Variants in UBE2U observed in about 807,000 individuals in gnomAD.
UBE2U encodes ubiquitin-conjugating enzyme E2 U.
UBE2U carries 39 observed loss-of-function variants against 41.2 expected under a neutral mutation model. The observed-to-expected ratio is 0.95, with a 90% CI of 0.73 to 1.24. The LOEUF (loss-of-function observed/expected upper bound fraction) is 1.24, where lower values mean the gene tolerates loss of function less well. UBE2U is among the 50% of genes most tolerant of loss of function. The pLI is 0.00. For synonymous variants in UBE2U, 107 were observed against 117.8 expected (o/e 0.91, Z 0.60); for missense variants, 336 against 363.1 (o/e 0.93, Z 0.61).
In UBE2U at chr1:64,203,812, GA is replaced by G; in HGVS notation, c.-238del. 2.5e-6 allele frequency: 1 copy of G among 405,044 alleles called. No individual in the cohort carries two copies. Among genetic ancestry groups the G allele is most frequent in the South Asian group, 7.2e-5 (1 of 13,916 alleles). The allele number at this position is 405,044 out of a possible 1,614,324, so 25.1% of individuals were successfully genotyped here. On this transcript the variant is annotated 5_prime_UTR_variant, in exon 1 of 10. It removes an upstream start codon present in the reference 5' UTR. Coordinates refer to ENST00000371077, the MANE Select transcript of UBE2U (RefSeq NM_001366232.2). Reference sequence around the variant, plus strand: ...GCCGGCACTGCAGTGAAACGCCGCAGATGAGGAAGTGCCCAAGTCTTCCTTC... The same window carrying G: ...GCCGGCACTGCAGTGAAACGCCGCAGTGAGGAAGTGCCCAAGTCTTCCTTC...
chr1:64,249,235 A>G (rs994136781), intron 8 of UBE2U, among the ~76,000 whole-genome samples: 9 of 151,908 alleles, frequency 5.9e-5, no homozygotes, highest in Non-Finnish European at 1.3e-4. Context: ...AAAATTAGCC[A>G]GGCGCAGTGG....
rs1207847377 is a variant in UBE2U at position 64,203,899 on chromosome 1, G to A, written c.-152G>A. 20 of 510,048 alleles carry A rather than the reference G, an allele frequency of 3.9e-5. No homozygotes were observed. 31.6% of individuals were successfully genotyped at this position (510,048 alleles called of 1,614,324 possible). A position where few individuals can be genotyped will look rare whatever the true frequency, so the allele number is the denominator to read the frequency against. ...TCATTGTTATATCCCAACTTTAGAA[G>A]CCGCTTATCTTGGTACCGTTCTGAG... is the stretch of plus-strand genomic sequence containing the variant. On this transcript the variant is annotated 5_prime_UTR_variant, in exon 1 of 10. Transcript: ENST00000371077.
intron 6 of UBE2U, among the ~76,000 whole-genome samples, chr1:64,222,103 A>C (rs1228672684): frequency 2.6e-5 from 4 of 151,506 alleles, no homozygotes; most frequent in Non-Finnish European, 5.9e-5. Flanking sequence ...AAAAAAAAAA[A>C]AAAAAACACA....
At chr1:64,222,075 GAGAGAGAC>G (rs1652519152) in intron 6 of UBE2U, among the ~76,000 whole-genome samples, 1 of 125,352 alleles carries the variant, frequency 8.0e-6, no homozygotes, top group African/African-American at 3.4e-5. Context: ...CTGGGCGACA[GAGAGAGAC>G]TCCATCTCAA....
chr1:64,206,972 C>T, intron 3 of UBE2U, 116 bp downstream of exon 3: 1 of 688,498 alleles, frequency 1.5e-6, no homozygotes, highest in Non-Finnish European at 2.5e-6. Context: ...TAAGAACTCT[C>T]ATTGGGGAAA....
Position 64,206,744 on chromosome 1 carries a change from T to A in UBE2U, c.149-20T>A. 7.0e-7 allele frequency: 1 copy of A among 1,424,880 alleles called. No individual in the cohort carries two copies. The highest frequency in any genetic ancestry group is 9.8e-7 in the Non-Finnish European group (1 of 1,020,698). The allele number at this position is 1,424,880 out of a possible 1,614,324, so 88.3% of individuals were successfully genotyped here. ...AATAAACATGACACTTTAGTAAAAATGTTTATTTCTATATTATAGGTTTAG... is the reference window on the plus strand; with the variant it reads ...AATAAACATGACACTTTAGTAAAAAAGTTTATTTCTATATTATAGGTTTAG... On this transcript the variant is annotated intron_variant, in intron 2 of 9. Coordinates refer to ENST00000371077, the MANE Select transcript of UBE2U (RefSeq NM_001366232.2).
intron 8 of UBE2U, among the ~76,000 whole-genome samples, chr1:64,245,510 G>A (rs895813337): frequency 2.0e-5 from 3 of 152,082 alleles, no homozygotes; most frequent in Non-Finnish European, 4.4e-5. Flanking sequence ...GTTTACATTC[G>A]GTGTAGCTTT....
chr1:64,219,858 A>G (rs1416245304), intron 5 of UBE2U, among the ~76,000 whole-genome samples: 1 of 152,176 alleles, frequency 6.6e-6, no homozygotes, highest in Non-Finnish European at 1.5e-5. Flanking sequence ...TTGGCCTCCC[A>G]AAGTGCTGGG....
chr1:64,259,781 T>C (rs1242969026), intron 8 of UBE2U, among the ~76,000 whole-genome samples: 2 of 152,098 alleles, frequency 1.3e-5, no homozygotes, highest in African/African-American at 4.8e-5. Context: ...CTTGGGCTCA[T>C]TGATGTCTCC....
At chr1:64,240,449 C>A (rs1274843413) in intron 7 of UBE2U, among the ~76,000 whole-genome samples, 1 of 152,114 alleles carries the variant, frequency 6.6e-6, no homozygotes, top group South Asian at 2.1e-4. Flanking sequence ...TGGAAACTCA[C>A]AGCAGTCAGA....
intron 6 of UBE2U, among the ~76,000 whole-genome samples, chr1:64,225,176 C>T (rs568549154): frequency 5.3e-5 from 8 of 152,074 alleles, no homozygotes; most frequent in Admixed American, 2.0e-4. Flanking sequence ...AAAGATAACT[C>T]GAGAACCATT....
chr1:64,265,162 G>T (rs561704501), intron 9 of UBE2U, among the ~76,000 whole-genome samples: 1 of 152,222 alleles, frequency 6.6e-6, no homozygotes, highest in African/African-American at 2.4e-5. Context: ...ACCTGAAGAT[G>T]AAGACAACAC....
chr1:64,244,900 A>T (rs1246062379), intron 8 of UBE2U, among the ~76,000 whole-genome samples: 1 of 152,180 alleles, frequency 6.6e-6, no homozygotes, highest in African/African-American at 2.4e-5. Flanking sequence ...CTGTTTTCTC[A>T]ATTAGTATTA....
intron 8 of UBE2U, among the ~76,000 whole-genome samples, chr1:64,247,009 G>T (rs767804784): frequency 3.0e-4 from 45 of 152,152 alleles, no homozygotes; most frequent in Admixed American, 1.9e-3. Context: ...GGGCAGAAAA[G>T]AAACTATTGC....
chr1:64,227,152 A>T (rs1330951036), intron 6 of UBE2U, among the ~76,000 whole-genome samples: 1 of 152,220 alleles, frequency 6.6e-6, no homozygotes, highest in Admixed American at 6.5e-5. Context: ...ACAAAAGTCC[A>T]ACAGCCAACC....
intron 6 of UBE2U, among the ~76,000 whole-genome samples, chr1:64,221,847 G>A (rs1415019123): frequency 1.3e-5 from 2 of 152,138 alleles, no homozygotes; most frequent in East Asian, 1.9e-4. Flanking sequence ...AGCACTTTGG[G>A]AGGCCAAGGC....
chr1:64,248,460 C>A (rs79150927), intron 8 of UBE2U, among the ~76,000 whole-genome samples: 14 of 152,200 alleles, frequency 9.2e-5, no homozygotes, highest in East Asian at 3.9e-4. Context: ...TTTTATTCTT[C>A]TTATTATACA....
At chr1:64,214,668 G>GTTATTTTTTAA (rs1320027853) in intron 4 of UBE2U, 147 bp from the exon 5 acceptor site, 1 of 625,590 alleles carries the variant, frequency 1.6e-6, no homozygotes, top group Non-Finnish European at 2.8e-6. Context: ...TACAGACTAT[G>GTTATTTTTTAA]TCTCATGTTA....
chr1:64,239,092 G>A (rs71645568), intron 7 of UBE2U, among the ~76,000 whole-genome samples: 2,825 of 41,338 alleles, frequency 0.068, 94 homozygotes, highest in Admixed American at 0.11. Flanking sequence ...AAGAGGAAGA[G>A]GAAGAAGAAG....
Sources: gnomAD v4.1 joint callset for allele counts (sites outside exome capture counted in the v4.1 genomes callset) on GRCh38, gnomAD v4.1.1 for gene constraint, MANE v1.5 for transcripts, NCBI Gene and HGNC (gene_info 2026-07-23, HGNC 2026-07-21) for gene names.